UGT1A8: variants seen among roughly 807,000 people sequenced by gnomAD.
UGT1A8 encodes UDP-glucuronosyltransferase 1A8.
A neutral mutation model predicts 45.3 loss-of-function variants in UGT1A8; 39 were observed. That is an observed-to-expected ratio of 0.86 (90% confidence interval 0.67 to 1.12). The LOEUF is 1.12. Ranked by LOEUF, UGT1A8 falls within the 50% of genes most tolerant of loss-of-function variation. The pLI is 0.00. For synonymous variants in UGT1A8, 275 were observed against 249.2 expected, an observed-to-expected ratio of 1.10 and a Z score of -0.97; for missense variants, 719 against 664.9, an observed-to-expected ratio of 1.08 and a Z score of -0.90.
intron 1 of UGT1A8, chr2:233,649,089 T>C: frequency 2.3e-6 from 2 of 870,612 alleles, no homozygotes; most frequent in Non-Finnish European, 1.6e-6. Flanking sequence ...AAAAGATTCC[T>C]TACGGAACTG....
chr2:233,637,196 G>A lies in UGT1A8; in HGVS notation c.855+18634G>A. On this transcript the variant is annotated intron_variant, in intron 1 of 4. Coordinates refer to ENST00000373450, the MANE Select transcript of UGT1A8 (RefSeq NM_019076.5). Reference sequence around the variant, plus strand: ...CATTTATTTTGCCAGTATCTTTTTAGAAATGCCCTAGAAATAGCCTCTGAA... The same window carrying A: ...CATTTATTTTGCCAGTATCTTTTTAAAAATGCCCTAGAAATAGCCTCTGAA... The A allele has an allele frequency of 2.5e-6, 4 of 1,613,920 alleles. No individual in the cohort carries two copies. In the South Asian group the frequency reaches 3.3e-5, roughly 13 times the overall value.
At chr2:233,713,495 T>C (rs1332210670) in intron 1 of UGT1A8, 2 of 1,614,050 alleles carry the variant, frequency 1.2e-6, no homozygotes, top group African/African-American at 1.3e-5. Context: ...TGTCGATTCC[T>C]GCTGTGTTTT....
At chr2:233,727,462 C>G (rs1389495437) in intron 1 of UGT1A8, among the ~76,000 whole-genome samples, 2 of 152,116 alleles carry the variant, frequency 1.3e-5, no homozygotes, top group Non-Finnish European at 2.9e-5. Context: ...ACTTCACTGT[C>G]TAAATAAAAC....
At chr2:233,740,771 A>G (rs1027399973) in intron 1 of UGT1A8, 1 of 151,854 alleles carries the variant, frequency 6.6e-6, no homozygotes, top group African/African-American at 2.4e-5. Context: ...AAACCGTTGT[A>G]TAAAAGATGA....
At chr2:233,760,344 G>C (rs897355036) in intron 1 of UGT1A8, 1 of 1,614,032 alleles carries the variant, frequency 6.2e-7, no homozygotes. Context: ...TGCTGTGTGT[G>C]CTGGGCCCAG....
intron 1 of UGT1A8, among the ~76,000 whole-genome samples, chr2:233,652,001 A>G (rs192360422): frequency 1.7e-4 from 26 of 152,348 alleles, no homozygotes; most frequent in African/African-American, 6.3e-4. Context: ...TAAGAAAAAA[A>G]AAAGGAATCA....
intron 1 of UGT1A8, among the ~76,000 whole-genome samples, chr2:233,758,507 A>T (rs1490366523): frequency 6.6e-6 from 1 of 152,224 alleles, no homozygotes; most frequent in Non-Finnish European, 1.5e-5. Flanking sequence ...TCTAATAAGG[A>T]CACAACAAAG....
intron 1 of UGT1A8, chr2:233,747,495 G>A (rs1693698744): frequency 6.2e-7 from 1 of 1,608,584 alleles, no homozygotes; most frequent in African/African-American, 1.3e-5. Flanking sequence ...CCTTGTGCTG[G>A]GCCACACTCA....
intron 1 of UGT1A8, among the ~76,000 whole-genome samples, chr2:233,660,086 G>C (rs1418096664): frequency 6.6e-6 from 1 of 152,200 alleles, no homozygotes; most frequent in African/African-American, 2.4e-5. Flanking sequence ...GATTGGCTCT[G>C]TTTTAAGTCC....
chr2:233,667,765 A>G (rs2074107756), intron 1 of UGT1A8, among the ~76,000 whole-genome samples: 1 of 152,246 alleles, frequency 6.6e-6, no homozygotes, highest in Non-Finnish European at 1.5e-5. Context: ...TATGCAGCCA[A>G]AAGACACATG....
intron 1 of UGT1A8, among the ~76,000 whole-genome samples, chr2:233,726,604 A>ACCCAGGAT (rs1166552006): frequency 1.2e-4 from 18 of 152,184 alleles, no homozygotes; most frequent in African/African-American, 4.3e-4. Flanking sequence ...TTGTGATTAC[A>ACCCAGGAT]CTGTCCTGCC....
intron 1 of UGT1A8, chr2:233,693,614 AC>A: frequency 6.2e-7 from 1 of 1,614,168 alleles, no homozygotes; most frequent in Non-Finnish European, 8.5e-7. Flanking sequence ...AGACCACATG[AC>A]TTTTTCCCAA....
At chr2:233,660,750 T>TC (rs912225725) in intron 1 of UGT1A8, among the ~76,000 whole-genome samples, 8 of 152,188 alleles carry the variant, frequency 5.3e-5, no homozygotes, top group Admixed American at 4.6e-4. Context: ...GCATTTTTTT[T>TC]CTCTAGAATA....
At chr2:233,738,180 G>A (rs566528784) in intron 1 of UGT1A8, among the ~76,000 whole-genome samples, 8 of 152,232 alleles carry the variant, frequency 5.3e-5, no homozygotes, top group African/African-American at 1.4e-4. Flanking sequence ...CATGTAAGAC[G>A]TGTCTTTGCC....
At chr2:233,747,462 T>G (rs1386153404) in intron 1 of UGT1A8, 32 of 1,608,940 alleles carry the variant, frequency 2.0e-5, no homozygotes, top group Non-Finnish European at 1.7e-5. Flanking sequence ...TGCCATTTCA[T>G]GGACCCAGGA....
chr2:233,686,492 C>A (rs2074791571), intron 1 of UGT1A8, among the ~76,000 whole-genome samples: 1 of 152,052 alleles, frequency 6.6e-6, no homozygotes, highest in East Asian at 1.9e-4. Flanking sequence ...ACTTTCTGAA[C>A]AGGTGAGCCC....
intron 1 of UGT1A8, chr2:233,637,032 G>C (rs145709362): frequency 1.2e-6 from 2 of 1,613,820 alleles, no homozygotes; most frequent in Admixed American, 1.7e-5. Flanking sequence ...TCTTCACCAG[G>C]GGAATATTTT....
intron 1 of UGT1A8, among the ~76,000 whole-genome samples, chr2:233,643,613 A>G (rs28969985): frequency 3.4e-4 from 51 of 152,234 alleles, no homozygotes; most frequent in African/African-American, 1.2e-3. Flanking sequence ...TTCCTCAAGC[A>G]GAATGAGTTT....
chr2:233,755,963 C>T (rs557149138), intron 1 of UGT1A8: 1 of 152,200 alleles, frequency 6.6e-6, no homozygotes, highest in South Asian at 2.1e-4. Flanking sequence ...GTACTTGGCT[C>T]TATAGAGAGG....
Sources: allele counts gnomAD v4.1 joint callset (sites outside exome capture counted in the v4.1 genomes callset), GRCh38; gene constraint gnomAD v4.1.1; transcripts MANE v1.5; gene names NCBI Gene and HGNC (gene_info 2026-07-23, HGNC 2026-07-21).